PTPRE: variants seen among roughly 807,000 people sequenced by gnomAD.
PTPRE encodes protein tyrosine phosphatase receptor type E, also known as receptor-type tyrosine-protein phosphatase epsilon.
A neutral mutation model predicts 102.0 loss-of-function variants in PTPRE; 51 were observed. The ratio of observed to expected loss-of-function variants is 0.50; its 90% CI spans 0.40 to 0.63. PTPRE has a LOEUF of 0.63. PTPRE is among the 30% of genes least tolerant of loss of function. The pLI, the probability that PTPRE is intolerant of heterozygous loss-of-function variation, is 0.00. For missense variants in PTPRE, 752 were observed against 915.1 expected (o/e 0.82, Z 2.30); for synonymous variants, 345 against 348.2 (o/e 0.99, Z 0.10).
At chr10:127,973,555 C>T (rs946803904) in intron 1 of PTPRE, among the ~76,000 whole-genome samples, 23 of 152,008 alleles carry the variant, frequency 1.5e-4, no homozygotes, top group African/African-American at 2.4e-4. Context: ...AGTGGCTAGT[C>T]GATTGGCAGA....
At chr10:127,960,032 C>G (rs999927053) in intron 1 of PTPRE, among the ~76,000 whole-genome samples, 39 of 152,286 alleles carry the variant, frequency 2.6e-4, no homozygotes, top group African/African-American at 8.7e-4. Flanking sequence ...AGGACAGATG[C>G]AGATTATTAC....
At chr10:128,037,729 A>G (rs4131744) in intron 2 of PTPRE, among the ~76,000 whole-genome samples, 17,974 of 152,218 alleles carry the variant, frequency 0.12, 1,242 homozygotes, top group African/African-American at 0.16. Context: ...ATCACATGCA[A>G]TTTGTGCTCT....
intron 2 of PTPRE, chr10:127,998,071 G>C (rs1047960333): frequency 6.6e-6 from 1 of 152,236 alleles, no homozygotes; most frequent in African/African-American, 2.4e-5. Flanking sequence ...CAGCAATACT[G>C]CACCATCACC....
chr10:128,063,548 C>T (rs1041726230), intron 10 of PTPRE, among the ~76,000 whole-genome samples: 10 of 152,172 alleles, frequency 6.6e-5, no homozygotes, highest in African/African-American at 2.4e-4. Context: ...AACATGATTT[C>T]GCGCTTATTA....
chr10:128,001,197 AGT>A (rs147227714), intron 2 of PTPRE, among the ~76,000 whole-genome samples: 2 of 151,362 alleles, frequency 1.3e-5, no homozygotes. Flanking sequence ...GAGAGATCTG[AGT>A]GTGTGTGTGT....
At chr10:128,077,511 G>T in intron 18 of PTPRE, 106 bp from the exon 19 acceptor site, 1 of 1,398,648 alleles carries the variant, frequency 7.1e-7, no homozygotes, top group Non-Finnish European at 9.6e-7. Flanking sequence ...AGCACAGAAG[G>T]CTCAGGGAGG....
chr10:127,939,661 C>T (rs1013957763), intron 1 of PTPRE, among the ~76,000 whole-genome samples: 33 of 152,160 alleles, frequency 2.2e-4, no homozygotes, highest in Non-Finnish European at 8.8e-5. Context: ...GCCAAGGCTT[C>T]CGGGTAGGGC....
intron 17 of PTPRE, 128 bp from the exon 18 acceptor site, chr10:128,076,475 C>G: frequency 1.1e-6 from 1 of 871,624 alleles, no homozygotes; most frequent in Non-Finnish European, 1.6e-6. Flanking sequence ...TATTCATATT[C>G]ATATGTTTTT....
At chr10:128,046,299 G>C (rs1488573775) in intron 3 of PTPRE, among the ~76,000 whole-genome samples, 1 of 152,206 alleles carries the variant, frequency 6.6e-6, no homozygotes, top group African/African-American at 2.4e-5. Context: ...AGCCCTCCCA[G>C]TGCCCGGAGC....
At position 127,939,000 on chromosome 10, in the gene PTPRE, G is replaced by A. The variant is rs371255365; in HGVS notation, c.-31+31691G>A. 5.6e-4 allele frequency among the ~76,000 whole-genome samples: 85 copies of A among 152,270 alleles called. 1 individual carries two copies. The South Asian group carries it at 0.014, about 26-fold the overall frequency. The stretch of plus-strand genomic sequence containing the variant: ...TGTTACCAGATCTTCGCTGAAGAAC[G>A]CAAGGAACCCAGCATGCAAAGCTGG... On this transcript the variant is annotated intron_variant, in intron 1 of 20. Coordinates refer to ENST00000254667, the MANE Select transcript of PTPRE (RefSeq NM_006504.6).
rs1845533821 is a variant in PTPRE at position 127,907,237 on chromosome 10, G to T, written c.-103G>T. The stretch of plus-strand genomic sequence containing the variant: ...AAGACAGCCGGGCGCCCCGGAGGGC[G>T]GCGGGCAGGCGCCCGGGAGATGCGG... On this transcript the variant is annotated 5_prime_UTR_variant, in exon 1 of 21. Coordinates refer to ENST00000254667, the MANE Select transcript of PTPRE (RefSeq NM_006504.6). This position sits in a 1 kb window ranked among gnomAD's most constrained non-coding sequence, Gnocchi z 4.8. The T allele has an allele frequency of 1.0e-6, 1 of 984,244 alleles. No homozygotes were observed. The highest frequency in any genetic ancestry group is 1.2e-6 in the Non-Finnish European group (1 of 829,344). The allele number at this position is 984,244 out of a possible 1,614,324, so 61.0% of individuals were successfully genotyped here.
intron 2 of PTPRE, chr10:127,998,336 C>T (rs973349178): frequency 1.3e-5 from 2 of 152,216 alleles, no homozygotes; most frequent in Non-Finnish European, 2.9e-5. Context: ...GTAGCAAGGG[C>T]ATGCCACCCA....
intron 12 of PTPRE, 36 bp from the exon 13 acceptor site, chr10:128,069,656 T>C (rs760357453): frequency 1.9e-6 from 3 of 1,612,116 alleles, no homozygotes; most frequent in Non-Finnish European, 1.7e-6. Context: ...GGGAGGAGTG[T>C]GACTCACGAC....
rs889899799 is a variant in PTPRE at position 128,017,437 on chromosome 10, AT to A, written c.-7-23430del. 3.3e-5 allele frequency among the ~76,000 whole-genome samples: 5 copies of A among 151,758 alleles called. 1 individual carries two copies. The highest frequency in any genetic ancestry group is 5.9e-5 in the Non-Finnish European group (4 of 67,942). Reference sequence around the variant, plus strand: ...CCAAGGGCAGTAGGACAGGGTGAGAATTTTTTTTCTTTCTCACAGACATTTT... The same window carrying A: ...CCAAGGGCAGTAGGACAGGGTGAGAATTTTTTTCTTTCTCACAGACATTTT... On this transcript the variant is annotated intron_variant, in intron 2 of 20. Transcript: ENST00000254667.
At chr10:128,039,795 G>A (rs559951622) in intron 2 of PTPRE, among the ~76,000 whole-genome samples, 1 of 152,176 alleles carries the variant, frequency 6.6e-6, no homozygotes, top group East Asian at 1.9e-4. Context: ...GGGAGTGGGG[G>A]GGCCACACCT....
chr10:127,924,776 T>C (rs898783053), intron 1 of PTPRE, among the ~76,000 whole-genome samples: 1 of 152,260 alleles, frequency 6.6e-6, no homozygotes, highest in Non-Finnish European at 1.5e-5. Flanking sequence ...TTGTATCTTT[T>C]CTGCAAAGTC....
At chr10:128,016,579 GC>G (rs1203726877) in intron 2 of PTPRE, among the ~76,000 whole-genome samples, 1 of 151,906 alleles carries the variant, frequency 6.6e-6, no homozygotes, top group East Asian at 1.9e-4. Context: ...CGTGGGCCAG[GC>G]TGACGGCGGT....
chr10:127,957,347 G>A (rs574900993), intron 1 of PTPRE, among the ~76,000 whole-genome samples: 1 of 152,238 alleles, frequency 6.6e-6, no homozygotes, highest in East Asian at 1.9e-4. Context: ...TTCTGCCTTT[G>A]TATTGCCTTC....
At chr10:128,051,200 C>A (rs1848537765) in intron 6 of PTPRE, among the ~76,000 whole-genome samples, 1 of 152,196 alleles carries the variant, frequency 6.6e-6, no homozygotes, top group Non-Finnish European at 1.5e-5. Context: ...GCTGGGCTTG[C>A]TGATGGGGGT....
Sources: allele counts gnomAD v4.1 joint callset (sites outside exome capture counted in the v4.1 genomes callset), GRCh38; gene constraint gnomAD v4.1.1; non-coding constraint Gnocchi (gnomAD v3.1); transcripts MANE v1.5; gene names NCBI Gene and HGNC (gene_info 2026-07-23, HGNC 2026-07-21).